EPB41L3: variants seen among roughly 807,000 people sequenced by gnomAD.
EPB41L3 encodes the protein band 4.1-like protein 3.
Under a neutral mutation model 127.1 loss-of-function variants are expected in EPB41L3, and 57 were observed. That is an observed-to-expected ratio of 0.45 (90% CI 0.36 to 0.56). The LOEUF (loss-of-function observed/expected upper bound fraction) is 0.56, where lower values mean the gene tolerates loss of function less well. EPB41L3 is among the 20% of genes least tolerant of loss of function. The pLI, the probability that EPB41L3 is intolerant of heterozygous loss-of-function variation, is 0.00. For synonymous variants in EPB41L3, 572 were observed against 549.5 expected (o/e 1.04, Z -0.57); for missense variants, 1,273 against 1,372.2 (o/e 0.93, Z 1.14).
At chr18:5,410,648 A>T (rs1279455824) in intron 13 of EPB41L3, 29 bp from the exon 14 acceptor site, 2 of 1,604,658 alleles carry the variant, frequency 1.2e-6, no homozygotes, top group East Asian at 4.5e-5. Context: ...ATCAGGTTCC[A>T]GGAGGAAGGC....
rs372606751 is a variant in EPB41L3, at chr18:5,394,835, G to A, written c.3154-42C>T. 3.2e-4 allele frequency: 501 copies of A among 1,582,680 alleles called. 2 individuals are homozygous for A. Among genetic ancestry groups the A allele is most frequent in the Admixed American group, 5.8e-4 (35 of 59,868 alleles). On this transcript the variant is annotated intron_variant, in intron 21 of 22. Transcript: ENST00000341928. Reference sequence around the variant, plus strand: ...ACAGAAGGGCAGAAACAAAAAGGAGGTGGAACATGCATGATCAGTGGTGAG... The same window carrying A: ...ACAGAAGGGCAGAAACAAAAAGGAGATGGAACATGCATGATCAGTGGTGAG...
At chr18:5,406,701 A>T (rs923537460) in intron 16 of EPB41L3, 76 bp downstream of exon 16, 16 of 1,342,180 alleles carry the variant, frequency 1.2e-5, no homozygotes, top group Non-Finnish European at 1.5e-5. Context: ...AAGACTGTCA[A>T]ATGCAATTCC....
In EPB41L3 at chr18:5,590,154, A is replaced by C. The variant is rs2094473351; in HGVS notation, c.-306+22186T>G. 2.0e-5 allele frequency among the ~76,000 whole-genome samples: 3 copies of C among 152,122 alleles called. No homozygotes were observed. In the South Asian group the frequency reaches 6.2e-4, roughly 32 times the overall value. ...TTTGAAGCGGCCTCTGATCCTGTTC[A>C]TCTCTTTCCCCATCCCCTTCGCTTT... is the stretch of plus-strand genomic sequence containing the variant. On this transcript the variant is annotated intron_variant, in intron 3 of 21. Transcript: ENST00000545076.
chr18:5,540,812 C>T (rs1377538921), intron 1 of EPB41L3, among the ~76,000 whole-genome samples: 1 of 152,006 alleles, frequency 6.6e-6, no homozygotes, highest in African/African-American at 2.4e-5. Context: ...CCGCCGGGCG[C>T]GGTGGCTCAC....
intron 1 of EPB41L3, among the ~76,000 whole-genome samples, chr18:5,623,017 T>C (rs895776736): frequency 2.0e-5 from 3 of 149,470 alleles, no homozygotes; most frequent in African/African-American, 7.3e-5. Context: ...GTCTCACTTT[T>C]TCACTCATAA....
intron 3 of EPB41L3, among the ~76,000 whole-genome samples, chr18:5,599,496 C>T (rs1386476162): frequency 2.6e-5 from 4 of 152,216 alleles, no homozygotes; most frequent in African/African-American, 9.6e-5. Flanking sequence ...ATGGTAATCC[C>T]CAGTGTTGGA....
intron 3 of EPB41L3, among the ~76,000 whole-genome samples, chr18:5,569,240 T>C (rs529667669): frequency 6.6e-6 from 1 of 152,286 alleles, no homozygotes; most frequent in South Asian, 2.1e-4. Context: ...CTTAAAGAGG[T>C]GGTCAGCTGG....
chr18:5,410,156 CCTT>C (rs2076016730), intron 14 of EPB41L3, among the ~76,000 whole-genome samples: 1 of 151,778 alleles, frequency 6.6e-6, no homozygotes, highest in African/African-American at 2.4e-5. Context: ...TTAATTGTGA[CCTT>C]CTTCCCATTC....
intron 1 of EPB41L3, among the ~76,000 whole-genome samples, chr18:5,498,365 G>A (rs540537615): frequency 3.3e-5 from 5 of 152,032 alleles, no homozygotes; most frequent in Non-Finnish European, 7.4e-5. Context: ...AGGCTGAGGC[G>A]GGTGGATCAC....
At chr18:5,428,648 A>G (rs767912885) in intron 8 of EPB41L3, among the ~76,000 whole-genome samples, 183 bp from the exon 9 acceptor site, 14 of 152,176 alleles carry the variant, frequency 9.2e-5, no homozygotes, top group African/African-American at 1.2e-4. Flanking sequence ...GTTTATCACT[A>G]TGGAGAGGTT....
At chr18:5,541,084 CAAAAAA>C (rs147766745) in intron 1 of EPB41L3, among the ~76,000 whole-genome samples, 1 of 76,328 alleles carries the variant, frequency 1.3e-5, no homozygotes, top group South Asian at 5.7e-4. Context: ...GACTCCGTCT[CAAAAAA>C]AAAAAAAAAA....
chr18:5,442,574 T>G (rs2080933577), intron 5 of EPB41L3, among the ~76,000 whole-genome samples: 1 of 152,202 alleles, frequency 6.6e-6, no homozygotes, highest in Non-Finnish European at 1.5e-5. Context: ...TGCTTGCTCT[T>G]TTAATAGTAA....
At chr18:5,555,576 C>T (rs912258998) in intron 3 of EPB41L3, among the ~76,000 whole-genome samples, 3 of 151,878 alleles carry the variant, frequency 2.0e-5, no homozygotes, top group African/African-American at 7.3e-5. Context: ...ATCTCCTGGA[C>T]ACCTTACTCT....
Position 5,505,144 on chromosome 18 carries a change from C to T in EPB41L3, c.-11-15950G>A, listed in dbSNP as rs1273486435. On this transcript the variant is annotated intron_variant, in intron 1 of 22. Transcript: ENST00000341928. ...GACCTAAGAGTCTTAAGGACAAGTG[C>T]GGGATTTTCTTTTCTGTTGACTAAA... 7.2e-5 allele frequency among the ~76,000 whole-genome samples: 11 copies of T among 152,198 alleles called. No homozygotes were observed. In the East Asian group the frequency reaches 1.2e-3, roughly 16 times the overall value.
At chr18:5,418,903 G>A (rs1216181631) in intron 12 of EPB41L3, among the ~76,000 whole-genome samples, 3 of 152,102 alleles carry the variant, frequency 2.0e-5, no homozygotes, top group African/African-American at 7.2e-5. Context: ...GGGTTATTAT[G>A]AGCATTTTCA....
chr18:5,601,627 T>C (rs1425821695), intron 3 of EPB41L3, among the ~76,000 whole-genome samples: 1 of 152,120 alleles, frequency 6.6e-6, no homozygotes, highest in Admixed American at 6.5e-5. Flanking sequence ...TGACCTCACA[T>C]AAATTTCCCC....
intron 16 of EPB41L3, among the ~76,000 whole-genome samples, chr18:5,405,623 C>T (rs1036160970): frequency 6.6e-6 from 1 of 151,100 alleles, no homozygotes; most frequent in African/African-American, 2.5e-5. Flanking sequence ...AATCCCACTT[C>T]TATTAAAAAT....
chr18:5,627,528 A>G (rs2094935197), intron 1 of EPB41L3, among the ~76,000 whole-genome samples: 1 of 152,228 alleles, frequency 6.6e-6, no homozygotes, highest in East Asian at 1.9e-4. Flanking sequence ...GTTTAAAAAC[A>G]CAACTCATGA....
At chr18:5,399,591 G>A (rs1235184881) in intron 16 of EPB41L3, 1 of 384,348 alleles carries the variant, frequency 2.6e-6, no homozygotes, top group Non-Finnish European at 4.6e-6. Context: ...AATACATTCG[G>A]TAGGTAGAGT....
Sources: gnomAD v4.1 joint callset for allele counts (sites outside exome capture counted in the v4.1 genomes callset) on GRCh38, gnomAD v4.1.1 for gene constraint, MANE v1.5 for transcripts, NCBI Gene and HGNC (gene_info 2026-07-23, HGNC 2026-07-21) for gene names.